Variants in EEIG2 observed in about 807,000 individuals in gnomAD.
EEIG2 encodes family with sequence similarity 102 member B.
the EEIG2 span, among the ~76,000 whole-genome samples, chr1:108,613,157 CA>C: frequency 6.6e-6 from 1 of 152,156 alleles, no homozygotes; most frequent in Non-Finnish European, 1.5e-5. Flanking sequence ...GGAAAATGTT[CA>C]GAAGACAAGG....
chr1:108,630,206 C>T, the EEIG2 span, among the ~76,000 whole-genome samples: 1 of 152,156 alleles, frequency 6.6e-6, no homozygotes, highest in African/African-American at 2.4e-5. Context: ...TTATCTTTTC[C>T]GAGCAGTTAC....
chr1:108,574,757 A>G, the EEIG2 span, among the ~76,000 whole-genome samples: 16 of 152,314 alleles, frequency 1.1e-4, no homozygotes, highest in African/African-American at 3.8e-4. Flanking sequence ...TCTCAAAGAA[A>G]AGGGGGGGTT....
At chr1:108,561,268 A>AAATAATAGGTGTGGCATT in the EEIG2 span, among the ~76,000 whole-genome samples, 1 of 152,230 alleles carries the variant, frequency 6.6e-6, no homozygotes, top group Non-Finnish European at 1.5e-5. Context: ...TGAAGCTATT[A>AAATAATAGGTGTGGCATT]AATAATAGGT....
At chr1:108,590,751 C>T in the EEIG2 span, among the ~76,000 whole-genome samples, 1 of 152,174 alleles carries the variant, frequency 6.6e-6, no homozygotes, top group East Asian at 1.9e-4. Flanking sequence ...TTTCTTATCA[C>T]TGTTTTTTAA....
chr1:108,573,590 A>G, the EEIG2 span, among the ~76,000 whole-genome samples: 2 of 152,226 alleles, frequency 1.3e-5, no homozygotes, highest in South Asian at 2.1e-4. Flanking sequence ...TGGAAAGGCA[A>G]CTCATAGAAT....
At chr1:108,628,467 G>A in the EEIG2 span, 1 of 1,614,106 alleles carries the variant, frequency 6.2e-7, no homozygotes. Context: ...TCAGTGGGAA[G>A]CACATCAACA....
At chr1:108,638,046 C>T in the EEIG2 span, 1 of 152,614 alleles carries the variant, frequency 6.6e-6, no homozygotes, top group Non-Finnish European at 1.5e-5. Flanking sequence ...GAATAATATC[C>T]AAATTCCAGA....
At chr1:108,617,358 G>T in the EEIG2 span, among the ~76,000 whole-genome samples, 1 of 152,172 alleles carries the variant, frequency 6.6e-6, no homozygotes, top group Non-Finnish European at 1.5e-5. Context: ...TAGATAAAAG[G>T]CTGTTTTCAG....
chr1:108,600,623 A>C, the EEIG2 span: 1 of 1,611,614 alleles, frequency 6.2e-7, no homozygotes, highest in Non-Finnish European at 8.5e-7. Flanking sequence ...TTATGTGCAA[A>C]ATGAGTGCAA....
the EEIG2 span, chr1:108,628,574 A>G: frequency 1.2e-6 from 2 of 1,607,094 alleles, no homozygotes; most frequent in Non-Finnish European, 1.7e-6. Flanking sequence ...AGCTTCAGAA[A>G]AACTCAGCAG....
chr1:108,601,130 G>A, the EEIG2 span, among the ~76,000 whole-genome samples: 4 of 151,920 alleles, frequency 2.6e-5, no homozygotes, highest in African/African-American at 7.3e-5. Flanking sequence ...TGGCAAAGTC[G>A]GGACTCAAAC....
the EEIG2 span, among the ~76,000 whole-genome samples, chr1:108,570,801 A>G: frequency 6.6e-6 from 1 of 152,156 alleles, no homozygotes; most frequent in African/African-American, 2.4e-5. Flanking sequence ...CAGATTTCAT[A>G]TGGAGCAAAA....
chr1:108,575,622 A>G, the EEIG2 span, among the ~76,000 whole-genome samples: 1 of 152,356 alleles, frequency 6.6e-6, no homozygotes, highest in East Asian at 1.9e-4. Flanking sequence ...ATGGAATATT[A>G]CTCAGCAATA....
chr1:108,586,526 T>C, the EEIG2 span, among the ~76,000 whole-genome samples: 1 of 152,088 alleles, frequency 6.6e-6, no homozygotes, highest in Non-Finnish European at 1.5e-5. Context: ...TGAGCTCAGA[T>C]CTGCTGAGTC....
At chr1:108,628,280 A>G in the EEIG2 span, 208 of 1,613,698 alleles carry the variant, frequency 1.3e-4, 3 homozygotes, top group South Asian at 2.2e-3. Flanking sequence ...CTAACAGTGA[A>G]GTTGAATTCC....
At chr1:108,637,093 T>C in the EEIG2 span, 1 of 152,190 alleles carries the variant, frequency 6.6e-6, no homozygotes, top group Non-Finnish European at 1.5e-5. Flanking sequence ...CTGCCCTTGG[T>C]CCGACACCTC....
the EEIG2 span, among the ~76,000 whole-genome samples, chr1:108,589,059 A>G: frequency 6.6e-6 from 1 of 152,162 alleles, no homozygotes; most frequent in African/African-American, 2.4e-5. Flanking sequence ...TTGTCTACTG[A>G]CAAAGTTCCT....
chr1:108,585,921 C>T, the EEIG2 span, among the ~76,000 whole-genome samples: 8 of 152,056 alleles, frequency 5.3e-5, no homozygotes, highest in South Asian at 6.2e-4. Context: ...CTTGGTGACC[C>T]GAACATATTC....
the EEIG2 span, chr1:108,628,930 C>A: frequency 2.6e-6 from 2 of 760,218 alleles, no homozygotes; most frequent in Non-Finnish European, 4.0e-6. Context: ...AAATTTCATG[C>A]CCATAAAAAT....
Sources: gnomAD v4.1 joint callset for allele counts (sites outside exome capture counted in the v4.1 genomes callset) on GRCh38, gnomAD v4.1.1 for gene constraint, MANE v1.5 for transcripts, NCBI Gene and HGNC (gene_info 2026-07-23, HGNC 2026-07-21) for gene names.